The following AMPH variants were observed in gnomAD, a reference collection of about 807,000 sequenced individuals.
The protein encoded by AMPH is amphiphysin.
AMPH carries 49 observed loss-of-function variants against 99.1 expected under a neutral mutation model. The ratio of observed to expected loss-of-function variants is 0.49; its 90% confidence interval spans 0.39 to 0.63. AMPH has a LOEUF of 0.63. Among genes scored for constraint, AMPH ranks in the 20% least tolerant of loss-of-function variants. AMPH has a pLI of 0.00. For synonymous variants in AMPH, 314 were observed against 317.3 expected (o/e 0.99, Z 0.11); for missense variants, 759 against 863.4 (o/e 0.88, Z 1.52).
At chr7:38,466,844 A>G (rs1787676250) in intron 7 of AMPH, among the ~76,000 whole-genome samples, 1 of 152,230 alleles carries the variant, frequency 6.6e-6, no homozygotes, top group African/African-American at 2.4e-5. Flanking sequence ...ATCACTGAGT[A>G]AATGAAAACA....
Position 38,391,992 on chromosome 7 carries a change from A to G in AMPH, c.1634T>C (p.Ile545Thr). 6.2e-7 allele frequency: 1 copy of G among 1,607,542 alleles called. No individual in the cohort carries two copies. Among genetic ancestry groups the G allele is most frequent in the Non-Finnish European group, 8.5e-7 (1 of 1,179,962 alleles). Reference sequence around the variant, plus strand: ...CTCTTCATGGTTGGAGGCAGGCTCTATGACCACCGAAGGAATGACCTTCTC... The same window carrying G: ...CTCTTCATGGTTGGAGGCAGGCTCTGTGACCACCGAAGGAATGACCTTCTC... ...PQEKVIPSVV[I>T]EPASNHEEEG... Residue 545 changes from isoleucine to threonine, a missense_variant, in exon 19 of 21, where the codon ATA becomes ACA. Ile to Thr is a moderately conservative substitution (Grantham distance 89). Coordinates refer to ENST00000356264, the MANE Select transcript of AMPH (RefSeq NM_001635.4).
chr7:38,571,022 C>CAATATAT (rs1334824878), intron 1 of AMPH, among the ~76,000 whole-genome samples: 2 of 6,888 alleles, frequency 2.9e-4, no homozygotes, highest in Non-Finnish European at 8.1e-4. Context: ...TATATATATT[C>CAATATAT]ATATATTGAA....
chr7:38,410,901 A>C (rs1785197733), intron 17 of AMPH, among the ~76,000 whole-genome samples: 1 of 152,236 alleles, frequency 6.6e-6, no homozygotes, highest in South Asian at 2.1e-4. Context: ...CAAACCAGGA[A>C]CATCCATCAA....
chr7:38,482,329 T>C (rs1788317773), intron 5 of AMPH, among the ~76,000 whole-genome samples: 1 of 152,104 alleles, frequency 6.6e-6, no homozygotes, highest in Admixed American at 6.6e-5. Flanking sequence ...CTAGATGATA[T>C]TGTTTCCAAA....
intron 2 of AMPH, among the ~76,000 whole-genome samples, chr7:38,530,095 C>T (rs1010731847): frequency 2.0e-5 from 3 of 152,158 alleles, no homozygotes; most frequent in African/African-American, 7.2e-5. Flanking sequence ...CAGGAATGCA[C>T]TCAAAGTGAT....
At chr7:38,463,588 G>GT (rs1417390337) in intron 9 of AMPH, among the ~76,000 whole-genome samples, 1 of 152,164 alleles carries the variant, frequency 6.6e-6, no homozygotes, top group Admixed American at 6.5e-5. Flanking sequence ...TATGAAAATT[G>GT]TAACTTTTAT....
At chr7:38,563,538 C>A (rs1159765061) in intron 1 of AMPH, among the ~76,000 whole-genome samples, 1 of 152,070 alleles carries the variant, frequency 6.6e-6, no homozygotes, top group Non-Finnish European at 1.5e-5. Flanking sequence ...AGAATCTGGC[C>A]CCCAGGATCT....
intron 12 of AMPH, among the ~76,000 whole-genome samples, chr7:38,434,347 T>C (rs1458038221): frequency 1.3e-5 from 2 of 151,892 alleles, no homozygotes; most frequent in Non-Finnish European, 2.9e-5. Flanking sequence ...ATAAAAGAGG[T>C]TTCTCTCCTG....
chr7:38,441,120 C>T (rs1265291252), intron 11 of AMPH, among the ~76,000 whole-genome samples: 3 of 151,920 alleles, frequency 2.0e-5, no homozygotes, highest in Admixed American at 6.6e-5. Flanking sequence ...GTAGTAATTA[C>T]ATTAACAATA....
At chr7:38,462,909 T>C in intron 10 of AMPH, 66 bp downstream of exon 10, 1 of 1,486,320 alleles carries the variant, frequency 6.7e-7, no homozygotes, top group South Asian at 1.4e-5. Context: ...CGTGGGATTA[T>C]CCTAGATGGG....
intron 1 of AMPH, among the ~76,000 whole-genome samples, chr7:38,597,178 T>A (rs1395293864): frequency 6.6e-6 from 1 of 152,168 alleles, no homozygotes; most frequent in Non-Finnish European, 1.5e-5. Flanking sequence ...ATGGTTTTCA[T>A]ACAATAAATA....
chr7:38,427,795 C>A, intron 14 of AMPH: 1 of 415,964 alleles, frequency 2.4e-6, no homozygotes, highest in Non-Finnish European at 4.8e-6. Context: ...ACAGAGCCTA[C>A]AGAAGTCTTT....
chr7:38,422,407 C>A lies in AMPH; in HGVS notation c.1272+14G>T. The A allele has an allele frequency of 3.1e-6, 5 of 1,610,336 alleles. No homozygotes were observed. The highest frequency in any genetic ancestry group is 4.2e-6 in the Non-Finnish European group (5 of 1,177,182). ...CTAACAACTTCCTGAGAGCACAAAC[C>A]CAAATCAACTTACCAAGTTGCAGAT... is the stretch of plus-strand genomic sequence containing the variant. On this transcript the variant is annotated intron_variant, in intron 16 of 20. Transcript: ENST00000356264.
intron 4 of AMPH, among the ~76,000 whole-genome samples, chr7:38,492,684 A>G (rs1015501464): frequency 2.6e-5 from 4 of 152,196 alleles, no homozygotes; most frequent in Non-Finnish European, 5.9e-5. Flanking sequence ...CTATGTTTGC[A>G]TGTGCAACTG....
At chr7:38,497,393 A>G (rs376275647) in intron 3 of AMPH, among the ~76,000 whole-genome samples, 5 of 152,166 alleles carry the variant, frequency 3.3e-5, no homozygotes, top group African/African-American at 7.2e-5. Flanking sequence ...ATACAGAAGA[A>G]TTATTATTAT....
chr7:38,590,938 A>G (rs1357543702), intron 1 of AMPH, among the ~76,000 whole-genome samples: 1 of 152,230 alleles, frequency 6.6e-6, no homozygotes. Flanking sequence ...ATATAATTTT[A>G]TATTATAAGC....
At chr7:38,572,214 A>G (rs1305544615) in intron 1 of AMPH, among the ~76,000 whole-genome samples, 1 of 151,912 alleles carries the variant, frequency 6.6e-6, no homozygotes, top group Non-Finnish European at 1.5e-5. Flanking sequence ...CAGGTGTACC[A>G]TTTTTTATCT....
chr7:38,592,058 T>C (rs565883356), intron 1 of AMPH, among the ~76,000 whole-genome samples: 105 of 152,286 alleles, frequency 6.9e-4, no homozygotes, highest in Non-Finnish European at 1.3e-3. Context: ...CTATTATAGA[T>C]TAACTAAAAG....
chr7:38,465,351 T>C, intron 9 of AMPH, 116 bp downstream of exon 9: 1 of 840,446 alleles, frequency 1.2e-6, no homozygotes, highest in South Asian at 2.1e-5. Context: ...GCTTCTAGGG[T>C]GAAAAGGCTC....
Sources: gnomAD v4.1 joint callset for allele counts (sites outside exome capture counted in the v4.1 genomes callset) on GRCh38, gnomAD v4.1.1 for gene constraint, MANE v1.5 for transcripts, NCBI Gene and HGNC (gene_info 2026-07-23, HGNC 2026-07-21) for gene names.